Variants in ELFN1 observed in about 807,000 individuals in gnomAD.
The protein encoded by ELFN1 is extracellular leucine rich repeat and fibronectin type III domain containing 1, also known as protein ELFN1.
In ELFN1, 6 loss-of-function variants were observed where a neutral mutation model predicts 7.6. The observed-to-expected ratio is 0.79, with a 90% CI of 0.43 to 1.56. The LOEUF (loss-of-function observed/expected upper bound fraction) is 1.56. Ranked by LOEUF, ELFN1 falls within the 40% of genes most tolerant of loss-of-function variation. The probability of loss-of-function intolerance (pLI) is 0.01; values close to 1 mark genes in which losing one functional copy is unlikely to be tolerated. For synonymous variants in ELFN1, 657 were observed against 588.1 expected (o/e 1.12, Z -1.70); for missense variants, 1,169 against 1,232.2 (o/e 0.95, Z 0.77).
At chr7:1,682,290 T>G (rs1778987578) in intron 1 of ELFN1, among the ~76,000 whole-genome samples, 2 of 152,230 alleles carry the variant, frequency 1.3e-5, no homozygotes, top group Non-Finnish European at 2.9e-5. Flanking sequence ...CTGTATGGTG[T>G]GTGAGTGTCA....
chr7:1,710,511 G>A (rs532572999), intron 3 of ELFN1, among the ~76,000 whole-genome samples: 6 of 152,314 alleles, frequency 3.9e-5, no homozygotes, highest in Middle Eastern at 3.4e-3. Flanking sequence ...GGGGTTCCAC[G>A]CACAGCATTG....
At chr7:1,737,568 C>T (rs572353602) in intron 3 of ELFN1, among the ~76,000 whole-genome samples, 1 of 152,314 alleles carries the variant, frequency 6.6e-6, no homozygotes, top group South Asian at 2.1e-4. Flanking sequence ...CTTCAGACTC[C>T]GTCCTTTTGA....
At position 1,719,551 on chromosome 7, in the gene ELFN1, C is replaced by T. The variant is rs957386050; in HGVS notation, c.-294+10299C>T. Among the ~76,000 whole-genome samples, 19 of 152,230 alleles carry T rather than the reference C, an allele frequency of 1.2e-4. 1 individual carries two copies. Among genetic ancestry groups the T allele is most frequent in the African/African-American group, 4.6e-4 (19 of 41,456 alleles). ...GTTGTTCCCCAAGCCTCCCAGCCCC[C>T]GCAGTGCCCTCCCTCCCTACCTCAA... On this transcript the variant is annotated intron_variant, in intron 3 of 3. Transcript: ENST00000424383.
chr7:1,666,396 C>T (rs975202420), upstream of ELFN1, among the ~76,000 whole-genome samples: 4 of 151,972 alleles, frequency 2.6e-5, no homozygotes, highest in Admixed American at 6.5e-5. The surrounding 1 kb of genome is among the most constrained non-coding windows in gnomAD (Gnocchi z 7.9). Flanking sequence ...TCTCCCCGCC[C>T]GCGGGGCTCT....
chr7:1,677,057 T>C (rs1778885682), intron 1 of ELFN1, among the ~76,000 whole-genome samples: 1 of 152,226 alleles, frequency 6.6e-6, no homozygotes, highest in African/African-American at 2.4e-5. Context: ...AGAGAGGATG[T>C]AACTTCTGTT....
rs1209237671 is a variant in ELFN1, at chr7:1,739,281, G to T, written c.-293-5023G>T. 2 of 152,434 alleles carry T rather than the reference G, an allele frequency of 1.3e-5. No homozygotes were observed. The highest frequency in any genetic ancestry group is 1.9e-4 in the East Asian group (1 of 5,186). The allele number at this position is 152,434 out of a possible 1,614,324, so 9.4% of individuals were successfully genotyped here. On this transcript the variant is annotated intron_variant, in intron 3 of 3. Coordinates refer to ENST00000424383, the MANE Select transcript of ELFN1 (RefSeq NM_001128636.4). This position sits in a 1 kb window ranked among gnomAD's most constrained non-coding sequence, Gnocchi z 4.6. ...GTCGTCCCCGCTGGAGGTGGGTTTG[G>T]GCGGTCGTGGTGGGAGTGGAGTGAT...
chr7:1,725,519 T>A (rs1204106627), intron 3 of ELFN1, among the ~76,000 whole-genome samples: 1 of 152,062 alleles, frequency 6.6e-6, no homozygotes, highest in Non-Finnish European at 1.5e-5. Context: ...CAGGCCTCCC[T>A]CCCGGGCCGG....
At chr7:1,694,828 G>C (rs532254614) in intron 2 of ELFN1, among the ~76,000 whole-genome samples, 1 of 152,336 alleles carries the variant, frequency 6.6e-6, no homozygotes, top group African/African-American at 2.4e-5. Flanking sequence ...GAGACCACCT[G>C]TCAGCTGCCC....
At chr7:1,686,988 C>T (rs1779072767) in intron 1 of ELFN1, among the ~76,000 whole-genome samples, 1 of 152,156 alleles carries the variant, frequency 6.6e-6, no homozygotes, top group Admixed American at 6.5e-5. Context: ...CTGCTTCTTA[C>T]TGACAGCACT....
At chr7:1,729,181 C>T (rs1288264175) in intron 3 of ELFN1, among the ~76,000 whole-genome samples, 1 of 152,218 alleles carries the variant, frequency 6.6e-6, no homozygotes, top group East Asian at 1.9e-4. Flanking sequence ...AGAGCCAGAG[C>T]TTGGCCCCCT....
In ELFN1 at chr7:1,740,829, G is replaced by GAA. The variant is rs1020048894; in HGVS notation, c.-293-3472_-293-3471dup. On this transcript the variant is annotated intron_variant, in intron 3 of 3. Coordinates refer to ENST00000424383, the MANE Select transcript of ELFN1 (RefSeq NM_001128636.4). This position sits in a 1 kb window ranked among gnomAD's most constrained non-coding sequence, Gnocchi z 5.0. ...CCCGCTGTAAAGTGAGCTGCAGAATGAAAACTTCGGGGCCCCTTGGCTGGG... is the reference window on the plus strand; with the variant it reads ...CCCGCTGTAAAGTGAGCTGCAGAATGAAAAAACTTCGGGGCCCCTTGGCTGGG... Among the ~76,000 whole-genome samples the GAA allele has an allele frequency of 6.6e-6, 1 of 152,214 alleles. No homozygotes were observed. Among genetic ancestry groups the GAA allele is most frequent in the African/African-American group, 2.4e-5 (1 of 41,466 alleles).
At chr7:1,704,456 C>T (rs1427521384) in intron 2 of ELFN1, among the ~76,000 whole-genome samples, 1 of 152,174 alleles carries the variant, frequency 6.6e-6, no homozygotes, top group Non-Finnish European at 1.5e-5. Context: ...TGCACACACA[C>T]TCATGCATGT....
rs1779506968 is a variant in ELFN1, at chr7:1,705,222, G to A, written c.-455-3869G>A. Among the ~76,000 whole-genome samples, 1 of 152,204 alleles carries A rather than the reference G, an allele frequency of 6.6e-6. No homozygotes were observed. The highest frequency in any genetic ancestry group is 1.5e-5 in the Non-Finnish European group (1 of 68,018). On this transcript the variant is annotated intron_variant, in intron 2 of 3. Coordinates refer to ENST00000424383, the MANE Select transcript of ELFN1 (RefSeq NM_001128636.4). The surrounding 1 kb of genome is among the most constrained non-coding windows in gnomAD (Gnocchi z 4.3). The stretch of plus-strand genomic sequence containing the variant: ...CAGGGACCCTGGGCGGGGCGGCACA[G>A]CTGTGCGGGAGGCTGGGCTGCTGGC...
At chr7:1,674,238 G>A (rs1325664353) in intron 1 of ELFN1, among the ~76,000 whole-genome samples, 1 of 151,698 alleles carries the variant, frequency 6.6e-6, no homozygotes, top group Non-Finnish European at 1.5e-5. Flanking sequence ...TCCGGGCCAT[G>A]GGGGTGCACA....
intron 3 of ELFN1, among the ~76,000 whole-genome samples, chr7:1,722,894 T>C (rs1179516012): frequency 1.3e-5 from 2 of 152,106 alleles, no homozygotes; most frequent in African/African-American, 4.8e-5. Context: ...TATCCCTCTT[T>C]CTCTTTAAAA....
chr7:1,716,855 G>A (rs1052361069), intron 3 of ELFN1, among the ~76,000 whole-genome samples: 3 of 152,196 alleles, frequency 2.0e-5, no homozygotes, highest in African/African-American at 7.2e-5. Flanking sequence ...TGGAGGGGGA[G>A]GGGAGAGGAA....
intron 2 of ELFN1, chr7:1,693,394 G>A (rs531518238): frequency 2.1e-6 from 1 of 471,218 alleles, no homozygotes; most frequent in South Asian, 1.5e-5. Context: ...ACACACACTG[G>A]TGTGCCTGAG....
intron 3 of ELFN1, among the ~76,000 whole-genome samples, chr7:1,729,076 A>G (rs1162934206): frequency 6.6e-6 from 1 of 152,142 alleles, no homozygotes; most frequent in African/African-American, 2.4e-5. Context: ...TGCCCCGCGG[A>G]GCTGCCACTG....
In ELFN1 at chr7:1,746,765, G is replaced by GCCGCCT. The variant is rs1429951658; in HGVS notation, c.2174_2179dup (p.Pro725_Pro726dup). 1.3e-5 allele frequency: 20 copies of GCCGCCT among 1,507,994 alleles called. 1 individual carries two copies. The highest frequency in any genetic ancestry group is 1.3e-5 in the Non-Finnish European group (15 of 1,134,832). 93.4% of individuals were successfully genotyped at this position (1,507,994 alleles called of 1,614,324 possible). On this transcript the variant is annotated inframe_insertion, in exon 4 of 4. Transcript: ENST00000424383. ...CACCTGCGCCCCCCGGGCCACCGCC[G>GCCGCCT]CCGCCTCCGCACGAGGGCCTGGGGC...
Sources: allele counts gnomAD v4.1 joint callset (sites outside exome capture counted in the v4.1 genomes callset), GRCh38; gene constraint gnomAD v4.1.1; non-coding constraint Gnocchi (gnomAD v3.1); transcripts MANE v1.5; gene names NCBI Gene and HGNC (gene_info 2026-07-23, HGNC 2026-07-21).